TMEM41B: variants seen among roughly 807,000 people sequenced by gnomAD.
TMEM41B encodes the protein protein stasimon.
TMEM41B carries 18 observed loss-of-function variants against 31.9 expected under a neutral mutation model. The ratio of observed to expected loss-of-function variants is 0.56; its 90% CI spans 0.39 to 0.84. The LOEUF (loss-of-function observed/expected upper bound fraction) is 0.84, where lower values mean the gene tolerates loss of function less well. Ranked by LOEUF, TMEM41B falls within the 40% of genes least tolerant of loss-of-function variation. The probability of loss-of-function intolerance (pLI) is 0.00; values close to 1 mark genes in which losing one functional copy is unlikely to be tolerated. For missense variants in TMEM41B, 322 were observed against 348.0 expected, an observed-to-expected ratio of 0.93 and a Z score of 0.59; for synonymous variants, 144 against 124.3, an observed-to-expected ratio of 1.16 and a Z score of -1.05.
chr11:9,303,650 CTTTTTTTTT>C (rs71062827), intron 1 of TMEM41B, among the ~76,000 whole-genome samples: 2 of 104,776 alleles, frequency 1.9e-5, no homozygotes, highest in African/African-American at 7.3e-5. Flanking sequence ...TATTCTTTTT[CTTTTTTTTT>C]TTTTTTTTTT....
intron 1 of TMEM41B, among the ~76,000 whole-genome samples, chr11:9,305,370 G>A (rs985229442): frequency 2.6e-5 from 4 of 152,104 alleles, no homozygotes; most frequent in African/African-American, 9.7e-5. Flanking sequence ...AGGCCACGGT[G>A]GGCAGATTGC....
At position 9,283,517 on chromosome 11, in the gene TMEM41B, A is replaced by C; in HGVS notation, c.783T>G (p.Val261=). ...LYQLTTAGEA[V]SWNSIFILMI... ...TCAGAATAAATATTGAGTTCCAGGA[A>C]ACAGCTTCTCCTGCTGTTGTAAGTT... Residue 261 remains valine (V), a synonymous_variant, in exon 7 of 7, where the codon GTT becomes GTG. Coordinates refer to ENST00000528080, the MANE Select transcript of TMEM41B (RefSeq NM_015012.4). 1 of 1,613,714 alleles carries C rather than the reference A, an allele frequency of 6.2e-7. No individual in the cohort carries two copies. Among genetic ancestry groups the C allele is most frequent in the South Asian group, 1.1e-5 (1 of 91,008 alleles).
At chr11:9,309,223 G>A (rs1437788530) in intron 1 of TMEM41B, among the ~76,000 whole-genome samples, 1 of 149,764 alleles carries the variant, frequency 6.7e-6, no homozygotes, top group Non-Finnish European at 1.5e-5. Flanking sequence ...TCCAGCCTGG[G>A]CAAAAAGAGT....
intron 3 of TMEM41B, among the ~76,000 whole-genome samples, chr11:9,289,793 C>T (rs1852913466): frequency 6.6e-6 from 1 of 152,174 alleles, no homozygotes; most frequent in African/African-American, 2.4e-5. Context: ...TGAAACATGG[C>T]TTCAGTGAAC....
intron 6 of TMEM41B, 85 bp from the exon 7 acceptor site, chr11:9,283,678 TAAAAC>T (rs1277008762): frequency 2.0e-5 from 24 of 1,200,596 alleles, no homozygotes; most frequent in South Asian, 6.0e-5. Context: ...TAAAGTTTCT[TAAAAC>T]AACACAGCTA....
chr11:9,311,117 C>T (rs994131552), intron 1 of TMEM41B, among the ~76,000 whole-genome samples: 3 of 152,134 alleles, frequency 2.0e-5, no homozygotes, highest in African/African-American at 7.2e-5. Flanking sequence ...AATTCTCTTC[C>T]CATTTTCCCT....
At chr11:9,312,676 C>A (rs958716387) in intron 1 of TMEM41B, among the ~76,000 whole-genome samples, 1 of 152,016 alleles carries the variant, frequency 6.6e-6, no homozygotes, top group African/African-American at 2.4e-5. Context: ...GAGGCCGAGG[C>A]GGGCGGATCA....
chr11:9,291,595 T>C (rs1852961384), intron 3 of TMEM41B, among the ~76,000 whole-genome samples: 2 of 151,588 alleles, frequency 1.3e-5, no homozygotes, highest in Admixed American at 6.6e-5. Context: ...TACAGACAGG[T>C]TTCACCATGT....
intron 1 of TMEM41B, chr11:9,311,141 T>A: frequency 1.0e-6 from 1 of 980,062 alleles, no homozygotes; most frequent in South Asian, 1.6e-5. Flanking sequence ...CACTCAGGGC[T>A]CAACAGCAGG....
At chr11:9,303,283 C>T (rs1853300234) in intron 1 of TMEM41B, among the ~76,000 whole-genome samples, 2 of 152,010 alleles carry the variant, frequency 1.3e-5, no homozygotes, top group Non-Finnish European at 2.9e-5. Flanking sequence ...GGATTACAGA[C>T]GTGTGCTACC....
At chr11:9,288,084 C>G in intron 4 of TMEM41B, 1 of 427,526 alleles carries the variant, frequency 2.3e-6, no homozygotes, top group Non-Finnish European at 4.1e-6. Context: ...TTTCAGGAGC[C>G]AATTTCCACC....
intron 6 of TMEM41B, among the ~76,000 whole-genome samples, chr11:9,284,638 C>G (rs944093347): frequency 6.6e-6 from 1 of 151,904 alleles, no homozygotes; most frequent in African/African-American, 2.4e-5. Flanking sequence ...TGGCGCACAC[C>G]TGTAATCCCA....
chr11:9,312,160 C>T (rs1853575505), intron 1 of TMEM41B, among the ~76,000 whole-genome samples: 1 of 152,210 alleles, frequency 6.6e-6, no homozygotes, highest in Admixed American at 6.5e-5. Flanking sequence ...TCACACTAAC[C>T]TTCAACCCTA....
intron 2 of TMEM41B, among the ~76,000 whole-genome samples, chr11:9,299,325 T>TACACACACAC (rs139794462): frequency 0.045 from 5,593 of 123,082 alleles, 375 homozygotes; most frequent in African/African-American, 0.14. Context: ...TATACATACA[T>TACACACACAC]ACACACACAC....
intron 1 of TMEM41B, among the ~76,000 whole-genome samples, chr11:9,313,507 G>GT (rs1481079464): frequency 6.6e-6 from 1 of 152,080 alleles, no homozygotes; most frequent in African/African-American, 2.4e-5. Flanking sequence ...TCTACGTACA[G>GT]TTTTTTCCTT....
chr11:9,307,302 C>CTGT, intron 1 of TMEM41B, among the ~76,000 whole-genome samples: 1 of 152,090 alleles, frequency 6.6e-6, no homozygotes, highest in Non-Finnish European at 1.5e-5. Context: ...TACAGGCCAA[C>CTGT]AAGTCTCTTA....
intron 1 of TMEM41B, among the ~76,000 whole-genome samples, chr11:9,300,032 T>C (rs1435678909): frequency 1.3e-5 from 2 of 152,120 alleles, no homozygotes; most frequent in African/African-American, 2.4e-5. Context: ...GGCAGGAGAA[T>C]CACTTAAATT....
intron 1 of TMEM41B, chr11:9,311,340 T>C (rs1284107059): frequency 3.3e-6 from 5 of 1,511,558 alleles, no homozygotes; most frequent in Non-Finnish European, 4.6e-6. Context: ...CATCTTTTTA[T>C]GAGCTTTCTT....
chr11:9,295,423 T>A (rs761348831), intron 2 of TMEM41B, 36 bp from the exon 3 acceptor site: 1 of 1,320,402 alleles, frequency 7.6e-7, no homozygotes, highest in South Asian at 1.3e-5. Context: ...AGAACAGAAT[T>A]TTGCCAAGAT....
Sources: gnomAD v4.1 joint callset for allele counts (sites outside exome capture counted in the v4.1 genomes callset) on GRCh38, gnomAD v4.1.1 for gene constraint, MANE v1.5 for transcripts, NCBI Gene and HGNC (gene_info 2026-07-23, HGNC 2026-07-21) for gene names.